The following TRAP1 variants were observed in gnomAD, a reference collection of about 807,000 sequenced individuals.
TRAP1 encodes the protein TNF receptor associated protein 1.
TRAP1 carries 102 observed loss-of-function variants against 89.1 expected under a neutral mutation model. That is an observed-to-expected ratio of 1.15 (90% CI 0.98 to 1.35). The LOEUF (loss-of-function observed/expected upper bound fraction) is 1.35, where lower values mean the gene tolerates loss of function less well. TRAP1 is among the 40% of genes most tolerant of loss of function. The probability of loss-of-function intolerance (pLI) is 0.00; values close to 1 mark genes in which losing one functional copy is unlikely to be tolerated. For missense variants in TRAP1, 1,256 were observed against 945.3 expected (o/e 1.33, Z -4.31); for synonymous variants, 508 against 388.0 (o/e 1.31, Z -3.64).
intron 4 of TRAP1, among the ~76,000 whole-genome samples, chr16:3,682,943 C>T (rs558319281): frequency 1.3e-5 from 2 of 152,074 alleles, no homozygotes; most frequent in East Asian, 3.9e-4. Flanking sequence ...CCGAGGCAGG[C>T]AGATCACACG....
At position 3,662,000 on chromosome 16, in the gene TRAP1, C is replaced by T. The variant is rs145014945; in HGVS notation, c.1927G>A (p.Glu643Lys). ...GCGTGGCCTCACCTGGGGTTGATCT[C>T]CAGCGTGGGCTGCAGGAGCTGTGCG... ...ERAQLLQPTL[E>K]INPRHALIKK... Residue 643 changes from glutamate (E) to lysine (K), a missense_variant, in exon 16 of 18, where the codon GAG becomes AAG. Coordinates refer to ENST00000246957, the MANE Select transcript of TRAP1 (RefSeq NM_016292.3). The T allele has an allele frequency of 1.7e-4, 280 of 1,608,386 alleles. 1 individual carries two copies. Among genetic ancestry groups the T allele is most frequent in the Non-Finnish European group, 2.3e-4 (270 of 1,177,158 alleles).
chr16:3,671,592 G>A, intron 11 of TRAP1, 130 bp downstream of exon 11: 2 of 942,420 alleles, frequency 2.1e-6, no homozygotes, highest in Non-Finnish European at 3.2e-6. Flanking sequence ...GGGCCCCCAT[G>A]TGCAGGCCGG....
chr16:3,696,735 CT>C (rs112049919), intron 1 of TRAP1, among the ~76,000 whole-genome samples: 54 of 145,000 alleles, frequency 3.7e-4, no homozygotes, highest in East Asian at 6.0e-4. Context: ...TTTTTTTTTT[CT>C]TTTTTTTTTT....
chr16:3,676,258 C>G, intron 6 of TRAP1, 113 bp from the exon 7 acceptor site: 1 of 774,904 alleles, frequency 1.3e-6, no homozygotes, highest in Non-Finnish European at 2.1e-6. Flanking sequence ...CAACACACAA[C>G]ACACCTCAAA....
At chr16:3,690,447 C>G (rs1174251068) in intron 2 of TRAP1, among the ~76,000 whole-genome samples, 1 of 152,228 alleles carries the variant, frequency 6.6e-6, no homozygotes, top group African/African-American at 2.4e-5. Flanking sequence ...TCAGGACTGG[C>G]TCCAAAGACT....
At chr16:3,676,315 A>G (rs1041372933) in intron 6 of TRAP1, 170 bp from the exon 7 acceptor site, 7 of 333,420 alleles carry the variant, frequency 2.1e-5, no homozygotes, top group Non-Finnish European at 3.2e-5. Context: ...TCACATGCCC[A>G]TCAGGAACGA....
At chr16:3,696,244 G>A (rs1210722434) in intron 1 of TRAP1, among the ~76,000 whole-genome samples, 2 of 152,170 alleles carry the variant, frequency 1.3e-5, no homozygotes. Context: ...TCCCTGCGGA[G>A]CACACAGAGG....
At chr16:3,701,693 T>C (rs1406084720) in intron 1 of TRAP1, among the ~76,000 whole-genome samples, 1 of 152,042 alleles carries the variant, frequency 6.6e-6, no homozygotes, top group East Asian at 1.9e-4. Context: ...AGCTATGTAG[T>C]GAGTAACAGA....
At chr16:3,688,911 T>C (rs1260574038) in intron 3 of TRAP1, 144 bp downstream of exon 3, 28 of 635,354 alleles carry the variant, frequency 4.4e-5, no homozygotes, top group Non-Finnish European at 2.8e-5. Context: ...CTCCTCTCAC[T>C]GGTAGCTTAA....
chr16:3,681,479 T>G (rs762850187), intron 4 of TRAP1, among the ~76,000 whole-genome samples: 9 of 152,156 alleles, frequency 5.9e-5, no homozygotes, highest in African/African-American at 2.2e-4. Context: ...CACACATGTG[T>G]GCATGTTTCA....
chr16:3,676,679 T>G (rs1365441334), intron 6 of TRAP1: 3 of 152,668 alleles, frequency 2.0e-5, no homozygotes, highest in Non-Finnish European at 2.9e-5. Flanking sequence ...GGAGTCAAGC[T>G]GAGCACAGTG....
At chr16:3,663,042 G>T in intron 14 of TRAP1, 75 bp from the exon 15 acceptor site, 2 of 1,203,242 alleles carry the variant, frequency 1.7e-6, no homozygotes, top group South Asian at 1.4e-5. Context: ...CACGCAGCAT[G>T]CTTCCAGCTC....
chr16:3,699,011 A>G (rs2151276063), intron 1 of TRAP1, among the ~76,000 whole-genome samples: 1 of 152,312 alleles, frequency 6.6e-6, no homozygotes, highest in East Asian at 1.9e-4. Flanking sequence ...TAAAGGAAAA[A>G]CCACAAACCT....
intron 9 of TRAP1, 99 bp from the exon 10 acceptor site, chr16:3,672,919 C>G: frequency 6.9e-7 from 1 of 1,445,532 alleles, no homozygotes; most frequent in South Asian, 1.4e-5. Flanking sequence ...AGAGCCCACT[C>G]CCGCCTCGCC....
chr16:3,686,168 T>C (rs1256422457), intron 3 of TRAP1, 32 bp from the exon 4 acceptor site: 1 of 1,609,728 alleles, frequency 6.2e-7, no homozygotes, highest in Non-Finnish European at 8.5e-7. Flanking sequence ...GCACAGACAA[T>C]GAAGGACACT....
intron 12 of TRAP1, chr16:3,665,473 C>A (rs1002427809): frequency 3.2e-5 from 5 of 154,870 alleles, no homozygotes; most frequent in African/African-American, 1.2e-4. Flanking sequence ...GTTTATGGAA[C>A]AAATGTTTCG....
chr16:3,697,391 G>C (rs2051303495), intron 1 of TRAP1, among the ~76,000 whole-genome samples: 1 of 152,068 alleles, frequency 6.6e-6, no homozygotes, highest in Non-Finnish European at 1.5e-5. Flanking sequence ...GTCGCCAGGA[G>C]CGGTGGCTCA....
intron 1 of TRAP1, among the ~76,000 whole-genome samples, chr16:3,709,181 C>T (rs1477159185): frequency 1.5e-5 from 2 of 136,996 alleles, no homozygotes; most frequent in Non-Finnish European, 3.1e-5. Flanking sequence ...GAGCCAAGAT[C>T]ACGCCACTGC....
chr16:3,685,105 G>A (rs2051121304), intron 4 of TRAP1, among the ~76,000 whole-genome samples: 1 of 152,162 alleles, frequency 6.6e-6, no homozygotes, highest in Non-Finnish European at 1.5e-5. Flanking sequence ...GAACCTCTGT[G>A]CTGAAAACAG....
Sources: allele counts gnomAD v4.1 joint callset (sites outside exome capture counted in the v4.1 genomes callset), GRCh38; gene constraint gnomAD v4.1.1; transcripts MANE v1.5; gene names NCBI Gene and HGNC (gene_info 2026-07-23, HGNC 2026-07-21).